Variants in NPNT observed in about 807,000 individuals in gnomAD.
The protein encoded by NPNT is nephronectin, also known as preosteoblast EGF-like repeat protein with MAM domain.
Under a neutral mutation model 68.6 loss-of-function variants are expected in NPNT, and 45 were observed. That is an observed-to-expected ratio of 0.66 (90% CI 0.52 to 0.84). The LOEUF is 0.84. Ranked by LOEUF, NPNT falls within the 40% of genes least tolerant of loss-of-function variation. The pLI, the probability that NPNT is intolerant of heterozygous loss-of-function variation, is 0.00. For synonymous variants in NPNT, 233 were observed against 253.3 expected (o/e 0.92, Z 0.76); for missense variants, 672 against 714.8 (o/e 0.94, Z 0.68).
chr4:105,939,824 C>G lies in NPNT; in HGVS notation c.506-251C>G, dbSNP rs115434194. On this transcript the variant is annotated intron_variant, in intron 5 of 11. Coordinates refer to ENST00000379987, the MANE Select transcript of NPNT (RefSeq NM_001033047.3). Reference sequence around the variant, plus strand: ...GAATGACTCATGTTTCTAGTTTAAGCAACTTGGTAGATACAGGTGCAGTAT... The same window carrying G: ...GAATGACTCATGTTTCTAGTTTAAGGAACTTGGTAGATACAGGTGCAGTAT... Among the ~76,000 whole-genome samples the G allele has an allele frequency of 2.4e-3, 371 of 152,180 alleles. 3 individuals carry two copies. The highest frequency in any genetic ancestry group is 8.6e-3 in the African/African-American group (358 of 41,496).
intron 2 of NPNT, among the ~76,000 whole-genome samples, chr4:105,921,597 G>C (rs572349136): frequency 6.6e-6 from 1 of 152,224 alleles, no homozygotes; most frequent in South Asian, 2.1e-4. Context: ...TATAGTACAG[G>C]GTATTAGGAA....
Position 105,967,181 on chromosome 4 carries a change from A to G in NPNT, c.1346-7A>G, listed in dbSNP as rs749971782. 6.2e-6 allele frequency: 10 copies of G among 1,613,280 alleles called. No individual in the cohort carries two copies. The South Asian group carries it at 8.8e-5, about 14-fold the overall frequency. On this transcript the variant is annotated splice_region_variant and splice_polypyrimidine_tract_variant and intron_variant, in intron 10 of 11. Transcript: ENST00000379987. ...ACATACACACAGCCCTGCTTTTCCC[A>G]TTCCAGGTGGACAATATCTGACAGT...
At chr4:105,915,392 G>C (rs1727727572) in intron 2 of NPNT, among the ~76,000 whole-genome samples, 1 of 152,150 alleles carries the variant, frequency 6.6e-6, no homozygotes, top group African/African-American at 2.4e-5. Context: ...GGGGGCACAT[G>C]GGCTTGGCAG....
At chr4:105,952,314 T>C (rs1730898191) in intron 8 of NPNT, among the ~76,000 whole-genome samples, 1 of 152,254 alleles carries the variant, frequency 6.6e-6, no homozygotes, top group South Asian at 2.1e-4. Context: ...AAACTTGCGA[T>C]TTTATTCTAG....
At chr4:105,912,421 T>A (rs1177048483) in intron 2 of NPNT, 4 of 499,214 alleles carry the variant, frequency 8.0e-6, no homozygotes, top group Non-Finnish European at 1.3e-5. Flanking sequence ...AAGTTAATTT[T>A]AATTCCATTA....
chr4:105,912,219 G>A (rs1186648266), intron 2 of NPNT: 2 of 1,534,204 alleles, frequency 1.3e-6, no homozygotes, highest in Non-Finnish European at 1.7e-6. Flanking sequence ...GAATAGCCAG[G>A]ATAAGGTGCC....
chr4:105,915,719 A>T (rs948623913), intron 2 of NPNT, among the ~76,000 whole-genome samples: 1 of 152,268 alleles, frequency 6.6e-6, no homozygotes, highest in African/African-American at 2.4e-5. Context: ...TCAATTTTGG[A>T]TATGTTCAGT....
At chr4:105,919,060 A>G (rs568405541) in intron 2 of NPNT, among the ~76,000 whole-genome samples, 158 of 152,266 alleles carry the variant, frequency 1.0e-3, no homozygotes, top group Non-Finnish European at 2.0e-3. Flanking sequence ...TCTCTAAATT[A>G]CATTGAAAAG....
chr4:105,960,761 CGT>C (rs35898642), intron 10 of NPNT, among the ~76,000 whole-genome samples: 77 of 148,958 alleles, frequency 5.2e-4, no homozygotes, highest in Middle Eastern at 3.4e-3. Context: ...AACATATCTA[CGT>C]GTGTGTGTGT....
At chr4:105,898,072 C>A in intron 2 of NPNT, 71 bp downstream of exon 2, 1 of 1,031,706 alleles carries the variant, frequency 9.7e-7, no homozygotes. Flanking sequence ...GGCTTCACCC[C>A]ACATATCAGA....
chr4:105,940,864 C>G (rs1265738644), intron 7 of NPNT, among the ~76,000 whole-genome samples: 1 of 152,164 alleles, frequency 6.6e-6, no homozygotes, highest in Non-Finnish European at 1.5e-5. Context: ...AATCTCTTCA[C>G]TGAAATCTCT....
At chr4:105,906,212 T>C (rs1317574528) in intron 2 of NPNT, among the ~76,000 whole-genome samples, 1 of 152,222 alleles carries the variant, frequency 6.6e-6, no homozygotes, top group African/African-American at 2.4e-5. Flanking sequence ...CTGATTTAAT[T>C]TGTGTTGTTT....
chr4:105,921,330 A>C (rs907447035), intron 2 of NPNT, among the ~76,000 whole-genome samples: 49 of 152,128 alleles, frequency 3.2e-4, no homozygotes, highest in Non-Finnish European at 5.1e-4. Context: ...CTGGGATAAG[A>C]CATTTTTCCT....
chr4:105,941,284 T>TGA (rs1226158778), intron 7 of NPNT, among the ~76,000 whole-genome samples: 2 of 152,230 alleles, frequency 1.3e-5, no homozygotes, highest in African/African-American at 4.8e-5. Context: ...AAGACTGCCA[T>TGA]GAGCCCAGTG....
At chr4:105,904,813 T>C (rs990927602) in intron 2 of NPNT, among the ~76,000 whole-genome samples, 1 of 151,936 alleles carries the variant, frequency 6.6e-6, no homozygotes, top group Non-Finnish European at 1.5e-5. Context: ...TCTCGAGTAG[T>C]TGGGATTACA....
chr4:105,918,217 ACAT>A (rs887340446), intron 2 of NPNT, among the ~76,000 whole-genome samples: 4 of 152,228 alleles, frequency 2.6e-5, no homozygotes, highest in African/African-American at 9.6e-5. Flanking sequence ...CAAATCTCTG[ACAT>A]CATATTAGTC....
intron 2 of NPNT, among the ~76,000 whole-genome samples, chr4:105,913,284 G>T (rs9990517): frequency 0.02 from 3,009 of 152,262 alleles, 103 homozygotes; most frequent in African/African-American, 0.068. Context: ...AGAAATAGAA[G>T]TTCAGAAATT....
intron 2 of NPNT, among the ~76,000 whole-genome samples, chr4:105,914,088 C>T (rs1040243048): frequency 4.6e-5 from 7 of 151,582 alleles, no homozygotes; most frequent in African/African-American, 1.7e-4. Flanking sequence ...TTCTATGATT[C>T]TTAAATAGGA....
At chr4:105,937,707 G>A (rs1226477035) in intron 4 of NPNT, among the ~76,000 whole-genome samples, 1 of 152,128 alleles carries the variant, frequency 6.6e-6, no homozygotes, top group Admixed American at 6.5e-5. Context: ...AGAAATGCAT[G>A]TTTTCACCAT....
Sources: allele counts gnomAD v4.1 joint callset (sites outside exome capture counted in the v4.1 genomes callset), GRCh38; gene constraint gnomAD v4.1.1; transcripts MANE v1.5; gene names NCBI Gene and HGNC (gene_info 2026-07-23, HGNC 2026-07-21).